LINGO2: variants seen among roughly 807,000 people sequenced by gnomAD.
The protein encoded by LINGO2 is leucine-rich repeat and immunoglobulin-like domain-containing nogo receptor-interacting protein 2.
Under a neutral mutation model 30.6 loss-of-function variants are expected in LINGO2, and 14 were observed. The ratio of observed to expected loss-of-function variants is 0.46; its 90% CI spans 0.30 to 0.72. LINGO2 has a LOEUF of 0.72. Among genes scored for constraint, LINGO2 ranks in the 30% least tolerant of loss-of-function variants. The probability of loss-of-function intolerance (pLI) is 0.07; values close to 1 mark genes in which losing one functional copy is unlikely to be tolerated. For missense variants in LINGO2, 729 were observed against 751.7 expected, an observed-to-expected ratio of 0.97 and a Z score of 0.35; for synonymous variants, 317 against 288.5, an observed-to-expected ratio of 1.10 and a Z score of -1.00.
At chr9:28,091,718 A>G (rs1826094402) in intron 4 of LINGO2, among the ~76,000 whole-genome samples, 1 of 152,346 alleles carries the variant, frequency 6.6e-6, no homozygotes, top group Middle Eastern at 3.4e-3. Flanking sequence ...ATTAAACTAA[A>G]GAGCTTCTGC....
At chr9:29,144,120 G>A in the LINGO2 span, among the ~76,000 whole-genome samples, 26 of 152,164 alleles carry the variant, frequency 1.7e-4, no homozygotes, top group South Asian at 3.9e-3. Context: ...CTGTTCCATC[G>A]GTTTATGTGT....
the LINGO2 span, among the ~76,000 whole-genome samples, chr9:28,781,808 G>C: frequency 2.9e-3 from 439 of 152,256 alleles, 3 homozygotes; most frequent in African/African-American, 0.01. Context: ...GCAAAAACAA[G>C]TTTAGAAGGA....
Position 28,198,859 on chromosome 9 carries a change from G to C in LINGO2, c.-87+96349C>G, listed in dbSNP as rs115672315. Among the ~76,000 whole-genome samples, 926 of 152,192 alleles carry C rather than the reference G, an allele frequency of 6.1e-3. 10 individuals carry two copies. The highest frequency in any genetic ancestry group is 0.021 in the African/African-American group (882 of 41,536). Reference sequence around the variant, plus strand: ...AATTTAGGATCTCAGAGTCAAAATGGACCTTAAATGTCCCATCCGTTGCTA... The same window carrying C: ...AATTTAGGATCTCAGAGTCAAAATGCACCTTAAATGTCCCATCCGTTGCTA... On this transcript the variant is annotated intron_variant, in intron 4 of 5. Transcript: ENST00000379992.
chr9:28,984,696 A>G, the LINGO2 span, among the ~76,000 whole-genome samples: 2 of 152,098 alleles, frequency 1.3e-5, no homozygotes, highest in Admixed American at 6.6e-5. Context: ...TTCCTAATAC[A>G]AAGTTGACTC....
intron 1 of LINGO2, among the ~76,000 whole-genome samples, chr9:28,606,411 G>T (rs563001448): frequency 6.6e-5 from 10 of 152,042 alleles, no homozygotes; most frequent in Non-Finnish European, 1.0e-4. Flanking sequence ...GAGAATAAAT[G>T]ACTTTACTGG....
chr9:28,017,226 C>G (rs901468161), intron 4 of LINGO2, among the ~76,000 whole-genome samples: 1 of 152,162 alleles, frequency 6.6e-6, no homozygotes, highest in Admixed American at 6.5e-5. Context: ...AAACCCACAG[C>G]CAACATCATA....
the LINGO2 span, among the ~76,000 whole-genome samples, chr9:29,140,625 A>C: frequency 3.9e-4 from 59 of 152,122 alleles, 1 homozygote; most frequent in African/African-American, 1.4e-3. Flanking sequence ...AAAAATGGGC[A>C]AAATTTCCCA....
chr9:28,575,939 C>CACAA (rs1389045681), intron 1 of LINGO2, among the ~76,000 whole-genome samples: 2 of 151,828 alleles, frequency 1.3e-5, no homozygotes, highest in Admixed American at 6.6e-5. Flanking sequence ...CACACACACA[C>CACAA]ACACACACAC....
chr9:28,493,978 C>T (rs1008326908), intron 1 of LINGO2, among the ~76,000 whole-genome samples: 1 of 152,064 alleles, frequency 6.6e-6, no homozygotes, highest in African/African-American at 2.4e-5. Flanking sequence ...GGAACCTCAT[C>T]TTGTGATGGT....
At chr9:28,664,715 T>C (rs541213464) in intron 1 of LINGO2, among the ~76,000 whole-genome samples, 45 of 151,990 alleles carry the variant, frequency 3.0e-4, no homozygotes, top group African/African-American at 9.4e-4. Context: ...GATTTTTTTG[T>C]CTCCCAGAAT....
intron 4 of LINGO2, among the ~76,000 whole-genome samples, chr9:28,040,012 T>C (rs1454343520): frequency 2.6e-5 from 4 of 152,188 alleles, no homozygotes; most frequent in Admixed American, 2.0e-4. Flanking sequence ...CTTGAGTCCA[T>C]GTGCTAATCA....
At chr9:29,058,654 C>T in the LINGO2 span, among the ~76,000 whole-genome samples, 120 of 151,556 alleles carry the variant, frequency 7.9e-4, no homozygotes, top group African/African-American at 2.7e-3. Context: ...TACCAAGGCA[C>T]ATCATAATCA....
At chr9:28,596,107 A>T (rs1825163516) in intron 1 of LINGO2, among the ~76,000 whole-genome samples, 1 of 152,228 alleles carries the variant, frequency 6.6e-6, no homozygotes, top group Admixed American at 6.5e-5. Flanking sequence ...TCCTAATGAT[A>T]GCATATACTT....
chr9:28,359,161 A>G (rs188660155), intron 3 of LINGO2, among the ~76,000 whole-genome samples: 279 of 152,266 alleles, frequency 1.8e-3, no homozygotes, highest in Non-Finnish European at 3.2e-3. Flanking sequence ...GGTTTTGGAT[A>G]GGGGATGAAC....
At position 28,368,276 on chromosome 9, in the gene LINGO2, A is replaced by T. The variant is rs111434489; in HGVS notation, c.-246+4560T>A. Among the ~76,000 whole-genome samples, 609 of 152,098 alleles carry T rather than the reference A, an allele frequency of 4.0e-3. 3 individuals are homozygous for T. The highest frequency in any genetic ancestry group is 0.014 in the African/African-American group (575 of 41,498). On this transcript the variant is annotated intron_variant, in intron 3 of 5. Coordinates refer to ENST00000379992, the Ensembl canonical transcript of LINGO2. ...GTTTATTGCAGAACCTCTAAGGCTG[A>T]TTGGAATCTCTGGGTGTGTTTGCTG... is the stretch of plus-strand genomic sequence containing the variant.
At chr9:28,017,212 T>C (rs1587697453) in intron 4 of LINGO2, among the ~76,000 whole-genome samples, 1 of 152,152 alleles carries the variant, frequency 6.6e-6, no homozygotes, top group African/African-American at 2.4e-5. Flanking sequence ...GAGCCATCTA[T>C]GACAAACCCA....
chr9:28,028,488 C>T (rs12683656), intron 4 of LINGO2, among the ~76,000 whole-genome samples: 5,587 of 151,924 alleles, frequency 0.037, 144 homozygotes, highest in African/African-American at 0.074. Flanking sequence ...AATGTATATA[C>T]ACGTAACACC....
At chr9:28,984,223 T>C in the LINGO2 span, among the ~76,000 whole-genome samples, 6 of 152,126 alleles carry the variant, frequency 3.9e-5, no homozygotes, top group African/African-American at 1.4e-4. Flanking sequence ...GGGAAGAATA[T>C]GTGCTCATTT....
chr9:28,196,140 C>T (rs1820001565), intron 4 of LINGO2, among the ~76,000 whole-genome samples: 2 of 151,560 alleles, frequency 1.3e-5, no homozygotes, highest in African/African-American at 4.8e-5. Flanking sequence ...TATATGGATA[C>T]TTCTCAAGAT....
Sources: allele counts gnomAD v4.1 joint callset (sites outside exome capture counted in the v4.1 genomes callset), GRCh38; gene constraint gnomAD v4.1.1; transcripts MANE v1.5; gene names NCBI Gene and HGNC (gene_info 2026-07-23, HGNC 2026-07-21).